Variants in REXO4 observed in about 807,000 individuals in gnomAD.
REXO4 encodes the protein RNA exonuclease 4, also known as REX4 homolog, 3'-5' exonuclease.
REXO4 carries 29 observed loss-of-function variants against 39.9 expected under a neutral mutation model. The observed-to-expected ratio is 0.73, with a 90% confidence interval of 0.54 to 0.99. The LOEUF is 0.99. Among genes scored for constraint, REXO4 ranks in the 50% least tolerant of loss-of-function variants. The pLI, the probability that REXO4 is intolerant of heterozygous loss-of-function variation, is 0.00. For missense variants in REXO4, 524 were observed against 546.5 expected, an observed-to-expected ratio of 0.96 and a Z score of 0.41; for synonymous variants, 184 against 206.2, an observed-to-expected ratio of 0.89 and a Z score of 0.92.
chr9:133,408,677 T>C, intron 6 of REXO4, 91 bp downstream of exon 6: 1 of 867,688 alleles, frequency 1.2e-6, no homozygotes. Flanking sequence ...AAAAACCCTT[T>C]AACCAACAAG....
chr9:133,412,364 G>A lies in REXO4; in HGVS notation c.845C>T (p.Pro282Leu). ...CCTATAGTCCGTCACGGGCTCGGTT[G>A]GTTTGACGTACTTGTCATAAACGCA... ...GKCVYDKYVKPTEPVTDYRTA... is the reference protein window; with the variant it reads ...GKCVYDKYVKLTEPVTDYRTA... The change falls in exon 4 of 8, where the codon CCA becomes CTA. Residue 282 changes from proline to leucine, a missense_variant. Transcript: ENST00000371942. 1 of 1,614,082 alleles carries A rather than the reference G, an allele frequency of 6.2e-7. No homozygotes were observed. The highest frequency in any genetic ancestry group is 8.5e-7 in the Non-Finnish European group (1 of 1,180,012).
Position 133,414,725 on chromosome 9 carries a change from C to T in REXO4, c.512G>A (p.Arg171Gln), listed in dbSNP as rs948922930. ...ERTNGDIVPE[R>Q]GDIEHKKRKA... The stretch of plus-strand genomic sequence containing the variant: ...CCGCTTCTTATGCTCGATGTCCCCT[C>T]GTTCTGGAACAATATCACCATTTGT... Residue 171 changes from arginine (R) to glutamine (Q), a missense_variant, in exon 2 of 8, where the codon CGA becomes CAA. By Grantham distance (43) the Arg-to-Gln change is conservative. Coordinates refer to ENST00000371942, the MANE Select transcript of REXO4 (RefSeq NM_020385.4). 7 of 1,614,018 alleles carry T rather than the reference C, an allele frequency of 4.3e-6. No homozygotes were observed. Among genetic ancestry groups the T allele is most frequent in the East Asian group, 2.2e-5 (1 of 44,880 alleles).
intron 4 of REXO4, among the ~76,000 whole-genome samples, chr9:133,411,311 C>T (rs1350945698): frequency 6.6e-6 from 1 of 152,204 alleles, no homozygotes; most frequent in East Asian, 1.9e-4. Context: ...ATAAAGTGCT[C>T]CACACAGTCT....
At chr9:133,407,726 G>T in intron 7 of REXO4, 81 bp downstream of exon 7, 1 of 1,088,778 alleles carries the variant, frequency 9.2e-7, no homozygotes, top group Non-Finnish European at 1.4e-6. Context: ...CCTCCCCCAT[G>T]TCTGTGTCAG....
At chr9:133,409,677 CCA>C (rs1554779741) in intron 5 of REXO4, among the ~76,000 whole-genome samples, 2 of 152,076 alleles carry the variant, frequency 1.3e-5, no homozygotes, top group Non-Finnish European at 2.9e-5. Context: ...TCCTCCTACC[CCA>C]GTCTCCTGAG....
At chr9:133,412,188 G>A (rs1490039716) in intron 4 of REXO4, 111 bp downstream of exon 4, 46 of 1,089,498 alleles carry the variant, frequency 4.2e-5, no homozygotes, top group Non-Finnish European at 5.9e-5. Context: ...GAGACAAGAC[G>A]CATCAAAACC....
At chr9:133,410,131 G>A (rs587758365) in intron 5 of REXO4, among the ~76,000 whole-genome samples, 3 of 152,340 alleles carry the variant, frequency 2.0e-5, no homozygotes, top group East Asian at 3.9e-4. Flanking sequence ...AGCAAAGGCT[G>A]CTGCCTGAAC....
At position 133,408,936 on chromosome 9, in the gene REXO4, G is replaced by GTA. The variant is rs1554779570; in HGVS notation, c.1000-95_1000-94insTA. On this transcript the variant is annotated intron_variant, in intron 5 of 7. Transcript: ENST00000371942. The stretch of plus-strand genomic sequence containing the variant: ...GCCACCTTTTGCAAGTAACATCTTT[G>GTA]TGTGTGTGTGTGTGTGTGTGTGTGT... 363 of 98,324 alleles carry GTA rather than the reference G, an allele frequency of 3.7e-3. 2 individuals carry two copies. Among genetic ancestry groups the GTA allele is most frequent in the East Asian group, 0.036 (170 of 4,722 alleles). The allele number at this position is 98,324 out of a possible 1,614,324, so 6.1% of individuals were successfully genotyped here.
intron 3 of REXO4, 132 bp downstream of exon 3, chr9:133,412,646 G>T: frequency 1.4e-6 from 2 of 1,416,800 alleles, no homozygotes; most frequent in Non-Finnish European, 1.9e-6. Context: ...TGTGGTCCTG[G>T]TTCTTAGCAG....
intron 1 of REXO4, among the ~76,000 whole-genome samples, chr9:133,416,625 G>A (rs1454294058): frequency 6.6e-6 from 1 of 152,216 alleles, no homozygotes; most frequent in African/African-American, 2.4e-5. Flanking sequence ...GCACGTGGAA[G>A]AGTGTCTAGG....
chr9:133,408,972 G>GTGTGT, intron 5 of REXO4, 130 bp from the exon 6 acceptor site: 2 of 527,096 alleles, frequency 3.8e-6, no homozygotes, highest in Admixed American at 6.3e-5. Context: ...GTGTGTGTGT[G>GTGTGT]TGTGTGTGTG....
intron 7 of REXO4, 40 bp downstream of exon 7, chr9:133,407,767 C>T (rs782466236): frequency 3.1e-5 from 49 of 1,569,784 alleles, no homozygotes; most frequent in African/African-American, 8.2e-5. Flanking sequence ...GGTGGGAAAC[C>T]GCCCCAAACC....
intron 5 of REXO4, among the ~76,000 whole-genome samples, chr9:133,410,716 T>C (rs903751629): frequency 6.6e-6 from 1 of 152,116 alleles, no homozygotes; most frequent in Non-Finnish European, 1.5e-5. Context: ...GTAAAAGGGG[T>C]ATCAGCACCT....
At chr9:133,414,244 G>A (rs1247187949) in intron 2 of REXO4, 3 of 372,122 alleles carry the variant, frequency 8.1e-6, no homozygotes, top group East Asian at 7.2e-5. Flanking sequence ...TCCATCACAG[G>A]GTTGAAGTAA....
intron 4 of REXO4, 135 bp downstream of exon 4, chr9:133,412,164 C>G: frequency 1.1e-6 from 1 of 889,858 alleles, no homozygotes; most frequent in Non-Finnish European, 1.8e-6. Flanking sequence ...TTTTAAAACC[C>G]ATCGCCCCAA....
chr9:133,412,438 C>T lies in REXO4; in HGVS notation c.771G>A (p.Gly257=), dbSNP rs781961926. 3 of 1,614,022 alleles carry T rather than the reference C, an allele frequency of 1.9e-6. No homozygotes were observed. In the Admixed American group the frequency reaches 5.0e-5, roughly 27 times the overall value. Residue 257 remains glycine (G), a synonymous_variant, in exon 4 of 8, where the codon GGG becomes GGA. Coordinates refer to ENST00000371942, the MANE Select transcript of REXO4 (RefSeq NM_020385.4). ...DCEMVGVGPK[G]EESMAARVSI... ...ACACACGGGCGGCCATGCTCTCCTCCCCCTTAGGGCCCACGCCCACCATCT... is the reference window on the plus strand; with the variant it reads ...ACACACGGGCGGCCATGCTCTCCTCTCCCTTAGGGCCCACGCCCACCATCT...
chr9:133,418,027 T>C (rs1839786129), upstream of REXO4: 1 of 604,828 alleles, frequency 1.7e-6, no homozygotes. Context: ...GCACGCACGC[T>C]CCAGTCCCCG....
At chr9:133,417,156 C>T (rs1395689632) in intron 1 of REXO4, among the ~76,000 whole-genome samples, 2 of 152,202 alleles carry the variant, frequency 1.3e-5, no homozygotes, top group Non-Finnish European at 2.9e-5. Context: ...CGACTACCGG[C>T]GCGCGCCATC....
At chr9:133,407,272 C>T (rs1359829600) in intron 7 of REXO4, among the ~76,000 whole-genome samples, 200 bp from the exon 8 acceptor site, 1 of 152,182 alleles carries the variant, frequency 6.6e-6, no homozygotes, top group Admixed American at 6.5e-5. Flanking sequence ...GGTCCCCACA[C>T]TTCTGTGACT....
Sources: allele counts gnomAD v4.1 joint callset (sites outside exome capture counted in the v4.1 genomes callset), GRCh38; gene constraint gnomAD v4.1.1; transcripts MANE v1.5; gene names NCBI Gene and HGNC (gene_info 2026-07-23, HGNC 2026-07-21).